PRKAR2B: variants seen among roughly 807,000 people sequenced by gnomAD.
PRKAR2B encodes the protein protein kinase cAMP-dependent type II regulatory subunit beta.
PRKAR2B carries 14 observed loss-of-function variants against 49.9 expected under a neutral mutation model. That is an observed-to-expected ratio of 0.28 (90% CI 0.19 to 0.44). The LOEUF is 0.44. Among genes scored for constraint, PRKAR2B ranks in the 20% least tolerant of loss-of-function variants. The probability of loss-of-function intolerance (pLI) is 1.00; values close to 1 mark genes in which losing one functional copy is unlikely to be tolerated. For synonymous variants in PRKAR2B, 196 were observed against 197.7 expected (o/e 0.99, Z 0.07); for missense variants, 393 against 537.9 (o/e 0.73, Z 2.67).
chr7:107,096,362 T>A (rs1254001516), intron 2 of PRKAR2B, among the ~76,000 whole-genome samples: 2 of 152,168 alleles, frequency 1.3e-5, no homozygotes, highest in Non-Finnish European at 2.9e-5. Flanking sequence ...CCCTTTATCA[T>A]TTTTTATTGC....
chr7:107,071,633 C>G (rs1027061138), intron 2 of PRKAR2B, among the ~76,000 whole-genome samples: 2 of 152,128 alleles, frequency 1.3e-5, no homozygotes, highest in Non-Finnish European at 2.9e-5. Context: ...TATTGTGATG[C>G]CTTGTCTTCA....
chr7:107,140,727 AG>A (rs1199863208), intron 4 of PRKAR2B, 119 bp from the exon 5 acceptor site: 7 of 605,444 alleles, frequency 1.2e-5, no homozygotes, highest in African/African-American at 1.9e-5. Context: ...GACAACATTT[AG>A]TGGTAGTTAT....
chr7:107,093,293 G>A (rs954965055), intron 2 of PRKAR2B, among the ~76,000 whole-genome samples: 2 of 152,116 alleles, frequency 1.3e-5, no homozygotes, highest in Non-Finnish European at 2.9e-5. Context: ...AGGAACTGCT[G>A]TGCTGTTTTC....
intron 2 of PRKAR2B, among the ~76,000 whole-genome samples, chr7:107,100,248 C>A (rs1794933778): frequency 6.6e-6 from 1 of 152,084 alleles, no homozygotes; most frequent in South Asian, 2.1e-4. Context: ...TCACTGTCCT[C>A]ATTAAAAGAT....
At chr7:107,062,252 AAATG>A (rs1219024296) in intron 1 of PRKAR2B, among the ~76,000 whole-genome samples, 5 of 152,224 alleles carry the variant, frequency 3.3e-5, no homozygotes, top group African/African-American at 9.6e-5. Context: ...ATTGTAAACA[AAATG>A]AAAAGACAAG....
intron 2 of PRKAR2B, among the ~76,000 whole-genome samples, chr7:107,081,069 T>C (rs73413360): frequency 0.094 from 14,370 of 152,276 alleles, 792 homozygotes; most frequent in African/African-American, 0.15. Context: ...AATTTTAACC[T>C]GATAAAAACA....
At chr7:107,126,382 C>G (rs1795492542) in intron 3 of PRKAR2B, among the ~76,000 whole-genome samples, 1 of 136,850 alleles carries the variant, frequency 7.3e-6, no homozygotes, top group African/African-American at 2.8e-5. Context: ...GATCGCACCA[C>G]TACACTCCAG....
chr7:107,156,805 CAAAA>C (rs761387174), intron 8 of PRKAR2B, among the ~76,000 whole-genome samples, 175 bp from the exon 9 acceptor site: 1 of 115,824 alleles, frequency 8.6e-6, no homozygotes, highest in Non-Finnish European at 1.8e-5. Flanking sequence ...GACTCCGTCT[CAAAA>C]AAAAAAAAAA....
intron 10 of PRKAR2B, among the ~76,000 whole-genome samples, chr7:107,158,121 G>T (rs1796128509): frequency 6.6e-6 from 1 of 152,116 alleles, no homozygotes; most frequent in Non-Finnish European, 1.5e-5. Context: ...AAGAGAAGAC[G>T]ATTAGAAACT....
intron 5 of PRKAR2B, among the ~76,000 whole-genome samples, chr7:107,141,848 T>C (rs913866678): frequency 6.6e-6 from 1 of 152,248 alleles, no homozygotes; most frequent in African/African-American, 2.4e-5. Flanking sequence ...TTATTATATT[T>C]GTCTTAAAAA....
At chr7:107,083,853 C>T (rs1010214578) in intron 2 of PRKAR2B, among the ~76,000 whole-genome samples, 1 of 152,034 alleles carries the variant, frequency 6.6e-6, no homozygotes, top group Non-Finnish European at 1.5e-5. Flanking sequence ...CGTTGTGATC[C>T]ACCTGCCTCA....
intron 2 of PRKAR2B, among the ~76,000 whole-genome samples, chr7:107,114,819 T>C (rs1795241798): frequency 6.6e-6 from 1 of 152,152 alleles, no homozygotes; most frequent in Non-Finnish European, 1.5e-5. Flanking sequence ...GGTGTGAATG[T>C]TAATTAATTA....
chr7:107,070,385 G>A (rs1056079582), intron 2 of PRKAR2B, 69 bp downstream of exon 2: 6 of 1,360,272 alleles, frequency 4.4e-6, no homozygotes, highest in African/African-American at 4.4e-5. Context: ...TATTGGACAA[G>A]AAGGTACAAA....
intron 2 of PRKAR2B, among the ~76,000 whole-genome samples, chr7:107,116,964 T>C (rs1312707495): frequency 2.7e-5 from 4 of 148,650 alleles, no homozygotes; most frequent in African/African-American, 1.0e-4. Context: ...TGTATATATA[T>C]ATATATGTGT....
chr7:107,045,911 A>C (rs749846751), intron 1 of PRKAR2B, among the ~76,000 whole-genome samples: 1 of 152,344 alleles, frequency 6.6e-6, no homozygotes, highest in East Asian at 1.9e-4. Context: ...TTTTTATATA[A>C]AAGACATATT....
chr7:107,118,310 T>TTTCATTCATTCA (rs34651958), intron 2 of PRKAR2B, among the ~76,000 whole-genome samples: 56 of 151,318 alleles, frequency 3.7e-4, no homozygotes, highest in African/African-American at 1.1e-3. Context: ...TTGAGCAAGT[T>TTTCATTCATTCA]TTCATTCATT....
intron 2 of PRKAR2B, among the ~76,000 whole-genome samples, chr7:107,110,566 G>A (rs2536509): frequency 0.8 from 121,568 of 151,348 alleles, 49,535 homozygotes; most frequent in African/African-American, 0.95. Flanking sequence ...CATCTTTGAT[G>A]CCAGCTCAGC....
chr7:107,123,783 TC>T (rs1247959807), intron 3 of PRKAR2B, among the ~76,000 whole-genome samples: 3 of 152,216 alleles, frequency 2.0e-5, no homozygotes, highest in African/African-American at 7.2e-5. Context: ...CTAAGATCTG[TC>T]CCCTGTAACA....
Position 107,147,805 on chromosome 7 carries a change from T to C in PRKAR2B, c.741+1344T>C, listed in dbSNP as rs147030432. Among the ~76,000 whole-genome samples the C allele has an allele frequency of 4.3e-3, 650 of 152,354 alleles. 3 individuals are homozygous for C. The highest frequency in any genetic ancestry group is 0.015 in the African/African-American group (621 of 41,578). On this transcript the variant is annotated intron_variant, in intron 6 of 10. Transcript: ENST00000265717. ...TTGGGTTATTTCTCTCAAATCCTTT[T>C]GTGGAAAGAGAAGAGGTTGAAGTAA... is the stretch of plus-strand genomic sequence containing the variant.
Sources: allele counts gnomAD v4.1 joint callset (sites outside exome capture counted in the v4.1 genomes callset), GRCh38; gene constraint gnomAD v4.1.1; transcripts MANE v1.5; gene names NCBI Gene and HGNC (gene_info 2026-07-23, HGNC 2026-07-21).